Variants in SMURF2 observed in about 807,000 individuals in gnomAD.
SMURF2 encodes the protein E3 ubiquitin-protein ligase SMURF2.
Under a neutral mutation model 109.6 loss-of-function variants are expected in SMURF2, and 48 were observed. The observed-to-expected ratio is 0.44, with a 90% CI of 0.35 to 0.56. SMURF2 has a LOEUF of 0.56. Among genes scored for constraint, SMURF2 ranks in the 20% least tolerant of loss-of-function variants. The pLI is 0.01. For synonymous variants in SMURF2, 288 were observed against 317.1 expected (o/e 0.91, Z 0.97); for missense variants, 575 against 909.0 (o/e 0.63, Z 4.72).
rs1170194958 is a variant in SMURF2 at position 64,661,767 on chromosome 17, G to A, written c.52+62C>T. 1.6e-5 allele frequency: 19 copies of A among 1,171,170 alleles called. No homozygotes were observed. In the East Asian group the frequency reaches 1.7e-4, roughly 10 times the overall value. 72.5% of individuals were successfully genotyped at this position (1,171,170 alleles called of 1,614,324 possible). A position where few individuals can be genotyped will look rare whatever the true frequency, so the allele number is the denominator to read the frequency against. ...GACCCTGGCCCTTCCCAAGGCCACA[G>A]GCACCCCCCGCCAGCTCGCCCACCC... is the stretch of plus-strand genomic sequence containing the variant. On this transcript the variant is annotated intron_variant, in intron 1 of 18. Transcript: ENST00000262435.
chr17:64,562,285 CAAAAAAAAAAAAAAAAAAA>C (rs782461489), intron 11 of SMURF2, among the ~76,000 whole-genome samples: 1 of 19,010 alleles, frequency 5.3e-5, no homozygotes, highest in Non-Finnish European at 1.1e-4. Flanking sequence ...GACTCCGTCT[CAAAAAAAAAAAAAAAAAAA>C]AAAAAAAAAG....
intron 10 of SMURF2, among the ~76,000 whole-genome samples, chr17:64,566,574 T>TTTTG (rs1412787981): frequency 1.9e-5 from 2 of 102,964 alleles, no homozygotes; most frequent in Non-Finnish European, 4.1e-5. Flanking sequence ...TTTTTTTTTT[T>TTTTG]TTTTTTTTTT....
chr17:64,565,441 AG>A (rs1227819038), intron 10 of SMURF2, among the ~76,000 whole-genome samples: 2 of 152,224 alleles, frequency 1.3e-5, no homozygotes, highest in Non-Finnish European at 2.9e-5. Flanking sequence ...GAAATCAAGT[AG>A]ATCTGATAAG....
At chr17:64,637,962 A>T (rs1006762503) in intron 1 of SMURF2, among the ~76,000 whole-genome samples, 2 of 149,358 alleles carry the variant, frequency 1.3e-5, no homozygotes, top group Admixed American at 6.7e-5. Flanking sequence ...CCACAAATGT[A>T]TAATTTTCTT....
rs1969236921 is a variant in SMURF2 at position 64,562,547 on chromosome 17, T to C, written c.1212+224A>G. ...GGCATGTGCCACCATGCCCAGCTAA[T>C]TTTGTATTTTTAGTAGAGATGGGGT... On this transcript the variant is annotated intron_variant, in intron 11 of 18. Coordinates refer to ENST00000262435, the MANE Select transcript of SMURF2 (RefSeq NM_022739.4). 2.0e-5 allele frequency among the ~76,000 whole-genome samples: 3 copies of C among 151,660 alleles called. No individual in the cohort carries two copies. In the South Asian group the frequency reaches 6.2e-4, roughly 32 times the overall value.
Position 64,661,933 on chromosome 17 carries a change from A to G in SMURF2, c.-53T>C. On this transcript the variant is annotated 5_prime_UTR_variant, in exon 1 of 19. Coordinates refer to ENST00000262435, the MANE Select transcript of SMURF2 (RefSeq NM_022739.4). ...GGCGGGCGGCACGGGGGCGACGGCG[A>G]GGCGCGGCGGAGTCACCACAGCGGC... 8.7e-7 allele frequency: 1 copy of G among 1,146,526 alleles called. No individual in the cohort carries two copies. Among genetic ancestry groups the G allele is most frequent in the Non-Finnish European group, 1.1e-6 (1 of 934,732 alleles). 71.0% of individuals were successfully genotyped at this position (1,146,526 alleles called of 1,614,324 possible). A position where few individuals can be genotyped will look rare whatever the true frequency, so the allele number is the denominator to read the frequency against.
chr17:64,631,966 G>T (rs1056932864), intron 1 of SMURF2, among the ~76,000 whole-genome samples: 1 of 108,848 alleles, frequency 9.2e-6, no homozygotes, highest in Non-Finnish European at 1.8e-5. Context: ...TTTTGCGGGG[G>T]GGGGGGGGGG....
In SMURF2 at chr17:64,547,498, G is replaced by A. The variant is rs1182026354; in HGVS notation, c.2071+102C>T. 1 of 949,076 alleles carries A rather than the reference G, an allele frequency of 1.1e-6. No homozygotes were observed. The highest frequency in any genetic ancestry group is 2.5e-5 in the East Asian group (1 of 40,422). The allele number at this position is 949,076 out of a possible 1,614,324, so 58.8% of individuals were successfully genotyped here. ...AGAGTCACAGATAAGAAGTGAAAAA[G>A]AGAATCTCTAAGCACATGGTTTACA... On this transcript the variant is annotated intron_variant, in intron 17 of 18. Transcript: ENST00000262435. The surrounding 1 kb of genome is among the most constrained non-coding windows in gnomAD (Gnocchi z 4.2).
chr17:64,660,072 T>A (rs1335361984), intron 1 of SMURF2, among the ~76,000 whole-genome samples: 13 of 152,338 alleles, frequency 8.5e-5, no homozygotes, highest in Admixed American at 7.8e-4. Context: ...TAAACTTTAA[T>A]TATAAATTCT....
intron 9 of SMURF2, chr17:64,573,148 AGGAGGAGGAGGAGGG>A (rs1969426786): frequency 1.8e-4 from 6 of 33,050 alleles, no homozygotes; most frequent in Non-Finnish European, 3.0e-4. Flanking sequence ...GAGGAGGAGG[AGGAGGAGGAGGAGGG>A]GGAGGAGGAG....
chr17:64,607,066 T>C (rs1172850610), intron 1 of SMURF2, among the ~76,000 whole-genome samples: 1 of 148,974 alleles, frequency 6.7e-6, no homozygotes. Context: ...AGATGAGTTT[T>C]TTTTCTTTTT....
rs55747507 is a variant in SMURF2, at chr17:64,607,996, C to CATAAATAAATAAATAA, written c.53-1372_53-1357dup. 2.3e-3 allele frequency among the ~76,000 whole-genome samples: 313 copies of CATAAATAAATAAATAA among 135,698 alleles called. 1 individual carries two copies. The highest frequency in any genetic ancestry group is 3.8e-3 in the Middle Eastern group (1 of 266). 89.0% of individuals were successfully genotyped at this position (135,698 alleles called of 152,430 possible). On this transcript the variant is annotated intron_variant, in intron 1 of 18. Transcript: ENST00000262435. ...CCTGGGCGACAGAGCAAGACTCTGT[C>CATAAATAAATAAATAA]ATAAATAAATAAATAAATAAATAAA...
intron 1 of SMURF2, among the ~76,000 whole-genome samples, chr17:64,647,085 A>G (rs781835588): frequency 2.7e-4 from 41 of 152,340 alleles, no homozygotes; most frequent in Non-Finnish European, 5.6e-4. Context: ...CCTGAAAGCA[A>G]GATAAAGGTC....
chr17:64,593,530 G>A lies in SMURF2; in HGVS notation c.244C>T (p.His82Tyr). 1.2e-6 allele frequency: 2 copies of A among 1,602,716 alleles called. No homozygotes were observed. Among genetic ancestry groups the A allele is most frequent in the Non-Finnish European group, 1.7e-6 (2 of 1,172,998 alleles). Residue 82 changes from histidine (H) to tyrosine (Y), a missense_variant, in exon 4 of 19, where the codon CAC becomes TAC. Physicochemically the swap from His to Tyr is moderately conservative, Grantham distance 83 (BLOSUM62 2). This residue lies in a region of SMURF2 where 33 missense variants were observed against 66.0 expected (regional missense o/e 0.50). Transcript: ENST00000262435. ...SDSVTISVWN[H>Y]KKIHKKQGAG... ...CCTTGTTTCTTATGGATCTTCTTGT[G>A]ATTCCATACACTGATCGTAACTGAA...
intron 1 of SMURF2, among the ~76,000 whole-genome samples, chr17:64,607,823 T>G (rs938202607): frequency 6.6e-6 from 1 of 151,018 alleles, no homozygotes; most frequent in East Asian, 1.9e-4. Flanking sequence ...ATACAAAAAT[T>G]AGCTGGGTGT....
At chr17:64,656,207 G>A (rs1156561222) in intron 1 of SMURF2, among the ~76,000 whole-genome samples, 1 of 152,180 alleles carries the variant, frequency 6.6e-6, no homozygotes, top group African/African-American at 2.4e-5. Flanking sequence ...GACAGATTTT[G>A]ACTCCTAAGA....
At position 64,551,695 on chromosome 17, in the gene SMURF2, C is replaced by G; in HGVS notation, c.1758G>C (p.Val586=). 1.2e-6 allele frequency: 2 copies of G among 1,613,956 alleles called. No individual in the cohort carries two copies. Among genetic ancestry groups the G allele is most frequent in the Non-Finnish European group, 1.7e-6 (2 of 1,179,922 alleles). Residue 586 remains valine, a synonymous_variant, in exon 16 of 19, where the codon GTG becomes GTC. Coordinates refer to ENST00000262435, the MANE Select transcript of SMURF2 (RefSeq NM_022739.4). Reference sequence around the variant, plus strand: ...CAATGCCTCGTAAAAATCTCCAGTTCACATAGAGCCTGTAAACATTCGGCA... The same window carrying G: ...CAATGCCTCGTAAAAATCTCCAGTTGACATAGAGCCTGTAAACATTCGGCA... ...ENKKEYVRLY[V]NWRFLRGIEA...
chr17:64,637,923 C>CAAA lies in SMURF2; in HGVS notation c.52+23903_52+23905dup, dbSNP rs59701513. ...CATTGAATGGTTTTGGCGCCCTAGT[C>CAAA]AAAAAAAAAAAAAAAAAAAATCAAC... On this transcript the variant is annotated intron_variant, in intron 1 of 18. Transcript: ENST00000262435. Among the ~76,000 whole-genome samples the CAAA allele has an allele frequency of 1.9e-3, 137 of 72,544 alleles. 5 individuals carry two copies. Among genetic ancestry groups the CAAA allele is most frequent in the African/African-American group, 5.5e-3 (134 of 24,314 alleles). The allele number at this position is 72,544 out of a possible 152,430, so 47.6% of individuals were successfully genotyped here. A position where few individuals can be genotyped will look rare whatever the true frequency, so the allele number is the denominator to read the frequency against.
chr17:64,606,609 A>G lies in SMURF2; in HGVS notation c.84T>C (p.Asp28=), dbSNP rs373389092. ...VLCAKNLVKK[D]FFRLPDPFAK... is the part of the protein sequence containing the mutation. ...TAAAGTTAATTTACTTACGGAAAAA[A>G]TCCTTTTTCACCAGGTTTTTTGCAC... Residue 28 remains aspartate, a synonymous_variant, in exon 2 of 19, where the codon GAT becomes GAC. Coordinates refer to ENST00000262435, the MANE Select transcript of SMURF2 (RefSeq NM_022739.4). 174 of 1,547,362 alleles carry G rather than the reference A, an allele frequency of 1.1e-4. No individual in the cohort carries two copies. The highest frequency in any genetic ancestry group is 1.4e-4 in the Non-Finnish European group (164 of 1,140,768).
Sources: gnomAD v4.1 joint callset for allele counts (sites outside exome capture counted in the v4.1 genomes callset) on GRCh38, gnomAD v4.1.1 for gene constraint, gnomAD v4.1.1 regional missense constraint, Gnocchi (gnomAD v3.1) non-coding constraint, MANE v1.5 for transcripts, NCBI Gene and HGNC (gene_info 2026-07-23, HGNC 2026-07-21) for gene names.